The following TBC1D19 variants were observed in gnomAD, a reference collection of about 807,000 sequenced individuals.
TBC1D19 encodes the protein TBC1 domain family member 19, also known as TBC1 domain family, member 19.
Under a neutral mutation model 89.0 loss-of-function variants are expected in TBC1D19, and 60 were observed. The ratio of observed to expected loss-of-function variants is 0.67; its 90% CI spans 0.55 to 0.84. TBC1D19 has a LOEUF of 0.84. Among genes scored for constraint, TBC1D19 ranks in the 40% least tolerant of loss-of-function variants. The pLI, the probability that TBC1D19 is intolerant of heterozygous loss-of-function variation, is 0.00. For missense variants in TBC1D19, 500 were observed against 610.8 expected (o/e 0.82, Z 1.91); for synonymous variants, 189 against 199.7 (o/e 0.95, Z 0.45).
the TBC1D19 span, among the ~76,000 whole-genome samples, chr4:26,807,532 G>A: frequency 9.2e-5 from 14 of 152,104 alleles, no homozygotes; most frequent in Admixed American, 3.3e-4. Context: ...GGCTCATTTG[G>A]CAAAGACAAA....
chr4:26,814,934 A>C, the TBC1D19 span, among the ~76,000 whole-genome samples: 1 of 151,924 alleles, frequency 6.6e-6, no homozygotes, highest in Non-Finnish European at 1.5e-5. Flanking sequence ...AGGTGGGAGG[A>C]TCACCGGGAC....
chr4:26,588,914 C>G (rs1739596448), intron 1 of TBC1D19, among the ~76,000 whole-genome samples: 1 of 152,128 alleles, frequency 6.6e-6, no homozygotes. Context: ...TATATCCTTA[C>G]TGAGTGTAGG....
At chr4:26,799,515 T>TC in the TBC1D19 span, among the ~76,000 whole-genome samples, 7 of 152,070 alleles carry the variant, frequency 4.6e-5, no homozygotes, top group Non-Finnish European at 1.0e-4. Flanking sequence ...ATTTTAAGTG[T>TC]CCCCCCAAAA....
rs755970867 is a variant in TBC1D19 at position 26,755,242 on chromosome 4, G to GTAA, written c.*301_*303dup. 6.5e-6 allele frequency: 1 copy of GTAA among 154,014 alleles called. No individual in the cohort carries two copies. Among genetic ancestry groups the GTAA allele is most frequent in the Non-Finnish European group, 1.4e-5 (1 of 69,586 alleles). The allele number at this position is 154,014 out of a possible 1,614,324, so 9.5% of individuals were successfully genotyped here. A position where few individuals can be genotyped will look rare whatever the true frequency, so the allele number is the denominator to read the frequency against. On this transcript the variant is annotated 3_prime_UTR_variant, in exon 21 of 21. Transcript: ENST00000264866. ...TATAATCCTGACTTGTCAATGGCAT[G>GTAA]TAATAATATATGCAATAAGAACTAA...
intron 11 of TBC1D19, among the ~76,000 whole-genome samples, chr4:26,681,444 G>A (rs898376441): frequency 3.3e-5 from 5 of 151,906 alleles, no homozygotes; most frequent in East Asian, 1.9e-4. Context: ...CCAGCTACTC[G>A]GGAGGCTGGA....
the TBC1D19 span, among the ~76,000 whole-genome samples, chr4:26,816,684 G>A: frequency 1.3e-5 from 2 of 152,158 alleles, no homozygotes; most frequent in East Asian, 3.9e-4. Flanking sequence ...AGGATGAGGG[G>A]CATTCTACAT....
intron 3 of TBC1D19, among the ~76,000 whole-genome samples, chr4:26,615,413 G>A (rs1036918202): frequency 1.3e-5 from 2 of 150,542 alleles, no homozygotes; most frequent in African/African-American, 4.9e-5. Context: ...CCCTCATGGA[G>A]TTCATAGTCT....
the TBC1D19 span, among the ~76,000 whole-genome samples, chr4:26,834,265 C>T: frequency 6.6e-6 from 1 of 152,130 alleles, no homozygotes; most frequent in South Asian, 2.1e-4. Flanking sequence ...TTCTTTATGG[C>T]AATGTGAGAA....
intron 1 of TBC1D19, among the ~76,000 whole-genome samples, chr4:26,577,688 G>A (rs1211555855): frequency 6.6e-6 from 1 of 152,134 alleles, no homozygotes; most frequent in Non-Finnish European, 1.5e-5. Flanking sequence ...AGGGAAGGAA[G>A]ACACAACAGG....
At chr4:26,765,680 C>T in the TBC1D19 span, among the ~76,000 whole-genome samples, 1 of 152,070 alleles carries the variant, frequency 6.6e-6, no homozygotes, top group Non-Finnish European at 1.5e-5. Flanking sequence ...GCACCTACTG[C>T]CTCAGGAAGC....
intron 13 of TBC1D19, among the ~76,000 whole-genome samples, chr4:26,708,824 T>A (rs988783864): frequency 7.2e-5 from 11 of 152,080 alleles, no homozygotes; most frequent in Non-Finnish European, 8.8e-5. Flanking sequence ...GTTTCTTTTT[T>A]GGTTTGCTAT....
At chr4:26,576,729 A>G in exon 1 of TBC1D19, 1 of 456,288 alleles carries the variant, frequency 2.2e-6, no homozygotes, top group South Asian at 1.5e-5. Context: ...GCAGAGAGCC[A>G]CAGAGCCACT....
intron 1 of TBC1D19, among the ~76,000 whole-genome samples, chr4:26,594,517 C>G (rs990821043): frequency 1.3e-5 from 2 of 152,060 alleles, no homozygotes; most frequent in African/African-American, 4.8e-5. Context: ...TTGTAAAGAC[C>G]CTGTTTCTCT....
chr4:26,821,994 C>T, the TBC1D19 span, among the ~76,000 whole-genome samples: 1 of 152,232 alleles, frequency 6.6e-6, no homozygotes, highest in East Asian at 1.9e-4. Context: ...TGTTCTGCAG[C>T]AGTCGCCACA....
rs1013159609 is a variant in TBC1D19, at chr4:26,637,292, T to C, written c.369+7T>C. 1.2e-6 allele frequency: 2 copies of C among 1,604,426 alleles called. No individual in the cohort carries two copies. The highest frequency in any genetic ancestry group is 8.5e-7 in the Non-Finnish European group (1 of 1,174,036). ...TATCCCACTGGCACGAAAGGTACTT[T>C]TAAACATTTTTCTGTTTAAGTATTT... On this transcript the variant is annotated splice_region_variant and intron_variant, in intron 5 of 20. Transcript: ENST00000264866.
chr4:26,660,014 C>T (rs930135209), intron 8 of TBC1D19, among the ~76,000 whole-genome samples: 6 of 152,100 alleles, frequency 3.9e-5, no homozygotes, highest in Non-Finnish European at 7.4e-5. Flanking sequence ...CTGATTGAGA[C>T]AAATTGTGAG....
At chr4:26,596,297 T>C (rs1410681702) in intron 1 of TBC1D19, among the ~76,000 whole-genome samples, 3 of 152,156 alleles carry the variant, frequency 2.0e-5, no homozygotes, top group Non-Finnish European at 4.4e-5. Flanking sequence ...GTATTTGGAT[T>C]TTCTATGCTT....
At chr4:26,777,861 G>A in the TBC1D19 span, among the ~76,000 whole-genome samples, 1 of 151,808 alleles carries the variant, frequency 6.6e-6, no homozygotes, top group Non-Finnish European at 1.5e-5. Flanking sequence ...TGTGAGGATT[G>A]TTGGAGCCCA....
chr4:26,740,771 A>T, intron 17 of TBC1D19: 1 of 985,366 alleles, frequency 1.0e-6, no homozygotes, highest in Non-Finnish European at 1.2e-6. Context: ...AGGGCTACTA[A>T]ATTTCCCCAA....
Sources: gnomAD v4.1 joint callset for allele counts (sites outside exome capture counted in the v4.1 genomes callset) on GRCh38, gnomAD v4.1.1 for gene constraint, MANE v1.5 for transcripts, NCBI Gene and HGNC (gene_info 2026-07-23, HGNC 2026-07-21) for gene names.